The following SUSD1 variants were observed in gnomAD, a reference collection of about 807,000 sequenced individuals.
SUSD1 encodes the protein sushi domain containing 1.
A neutral mutation model predicts 86.9 loss-of-function variants in SUSD1; 65 were observed. The ratio of observed to expected loss-of-function variants is 0.75; its 90% CI spans 0.61 to 0.92. The LOEUF (loss-of-function observed/expected upper bound fraction) is 0.92, where lower values mean the gene tolerates loss of function less well. Ranked by LOEUF, SUSD1 falls within the 40% of genes least tolerant of loss-of-function variation. The probability of loss-of-function intolerance (pLI) is 0.00; values close to 1 mark genes in which losing one functional copy is unlikely to be tolerated. For synonymous variants in SUSD1, 346 were observed against 350.0 expected, an observed-to-expected ratio of 0.99 and a Z score of 0.13; for missense variants, 850 against 929.7, an observed-to-expected ratio of 0.91 and a Z score of 1.11.
chr9:112,089,811 CAAAAAAAA>C (rs3983407), intron 10 of SUSD1, among the ~76,000 whole-genome samples: 299 of 115,954 alleles, frequency 2.6e-3, no homozygotes, highest in South Asian at 4.5e-3. Flanking sequence ...GATTCCATCT[CAAAAAAAA>C]AAAAAAAAAA....
intron 1 of SUSD1, among the ~76,000 whole-genome samples, chr9:112,167,345 T>C (rs147786220): frequency 5.9e-5 from 9 of 152,272 alleles, no homozygotes; most frequent in African/African-American, 2.2e-4. Flanking sequence ...TCAATCGATA[T>C]TCCTGCTACA....
In SUSD1 at chr9:112,078,812, T is replaced by TC. The variant is rs1491301445; in HGVS notation, c.1567-89_1567-88insG. On this transcript the variant is annotated intron_variant, in intron 11 of 16. Transcript: ENST00000374270. ...CCTCCCCTTTTCCTTTTTCTTTCTC[T>TC]TTTTTTTTTTTTTTTTTTGAGATGG... The TC allele has an allele frequency of 5.6e-4, 105 of 186,822 alleles. No homozygotes were observed. The South Asian group carries it at 0.017, about 29-fold the overall frequency. 11.6% of individuals were successfully genotyped at this position (186,822 alleles called of 1,614,324 possible).
At chr9:112,120,445 G>T (rs1348406590) in intron 6 of SUSD1, among the ~76,000 whole-genome samples, 2 of 152,194 alleles carry the variant, frequency 1.3e-5, no homozygotes, top group African/African-American at 4.8e-5. Context: ...TACATTACCA[G>T]AAGCCTCTCC....
At chr9:112,088,921 A>T (rs886887627) in intron 10 of SUSD1, among the ~76,000 whole-genome samples, 2 of 152,226 alleles carry the variant, frequency 1.3e-5, no homozygotes, top group Admixed American at 1.3e-4. Context: ...AGCATGGGCA[A>T]CAAAGAGAGA....
intron 10 of SUSD1, among the ~76,000 whole-genome samples, chr9:112,086,337 G>C (rs1013689074): frequency 2.0e-5 from 3 of 148,466 alleles, no homozygotes; most frequent in Admixed American, 1.4e-4. Flanking sequence ...CTGTTAAATA[G>C]AAAAATAAAT....
At chr9:112,137,136 A>G (rs112500445) in intron 5 of SUSD1, among the ~76,000 whole-genome samples, 26 of 152,058 alleles carry the variant, frequency 1.7e-4, no homozygotes, top group Non-Finnish European at 3.7e-4. Flanking sequence ...AATCTATAAA[A>G]CTTACACACC....
chr9:112,103,242 T>G (rs1830701777), intron 8 of SUSD1: 4 of 394,500 alleles, frequency 1.0e-5, no homozygotes, highest in Non-Finnish European at 2.0e-5. Context: ...ACTGACATAT[T>G]CAGCACAAGG....
intron 12 of SUSD1, among the ~76,000 whole-genome samples, chr9:112,075,962 C>T (rs80247110): frequency 0.018 from 2,669 of 152,204 alleles, 82 homozygotes; most frequent in African/African-American, 0.061. Flanking sequence ...ATTGAAGGAA[C>T]TGCAAGAAGG....
intron 1 of SUSD1, among the ~76,000 whole-genome samples, chr9:112,168,513 G>C (rs540793919): frequency 6.6e-6 from 1 of 152,312 alleles, no homozygotes; most frequent in Admixed American, 6.5e-5. Context: ...CTCAGGATGG[G>C]AGGGAGGCTG....
Position 112,142,442 on chromosome 9 carries a change from G to A in SUSD1, c.584C>T (p.Thr195Met), listed in dbSNP as rs143505267. ...VPDGYIIGNY[T>M]SSLGSQVRYA... Reference sequence around the variant, plus strand: ...ACGAACCTGGCTGCCCAGACTAGACGTATAATTTCCTATGATATAGCCATC... The same window carrying A: ...ACGAACCTGGCTGCCCAGACTAGACATATAATTTCCTATGATATAGCCATC... Residue 195 changes from threonine to methionine, a missense_variant, in exon 5 of 17, where the codon ACG becomes ATG. By Grantham distance (81) the Thr-to-Met change is moderately conservative (BLOSUM62 -1). Transcript: ENST00000374270. The A allele has an allele frequency of 1.4e-4, 229 of 1,613,938 alleles. 1 individual carries two copies. In the African/African-American group the frequency reaches 2.6e-3, roughly 18 times the overall value.
At chr9:112,145,054 C>A (rs1589721851) in intron 3 of SUSD1, among the ~76,000 whole-genome samples, 1 of 151,984 alleles carries the variant, frequency 6.6e-6, no homozygotes, top group African/African-American at 2.4e-5. Context: ...CCGGCCTGGG[C>A]AACACAGCAA....
At chr9:112,117,819 T>C (rs577738125) in intron 6 of SUSD1, among the ~76,000 whole-genome samples, 1 of 152,272 alleles carries the variant, frequency 6.6e-6, no homozygotes, top group African/African-American at 2.4e-5. Context: ...GGATCAACAA[T>C]GCTAAATGTT....
intron 12 of SUSD1, among the ~76,000 whole-genome samples, chr9:112,068,050 G>C (rs7046525): frequency 0.25 from 37,736 of 152,034 alleles, 5,956 homozygotes; most frequent in African/African-American, 0.42. Context: ...CACCTCTGCC[G>C]CAGGCTCTGT....
intron 12 of SUSD1, among the ~76,000 whole-genome samples, chr9:112,073,363 GT>G (rs1389210676): frequency 6.6e-6 from 1 of 152,024 alleles, no homozygotes; most frequent in Non-Finnish European, 1.5e-5. Flanking sequence ...AGCATGCTTG[GT>G]TCCATAATAA....
chr9:112,130,780 T>G (rs1831997548), intron 5 of SUSD1, among the ~76,000 whole-genome samples: 2 of 150,870 alleles, frequency 1.3e-5, no homozygotes, highest in Non-Finnish European at 2.9e-5. Flanking sequence ...TCCCAGCACT[T>G]TGGAAAGCTG....
At chr9:112,044,244 C>G (rs1370797791) in intron 15 of SUSD1, among the ~76,000 whole-genome samples, 1 of 152,114 alleles carries the variant, frequency 6.6e-6, no homozygotes, top group Admixed American at 6.5e-5. Flanking sequence ...AACAAAATAG[C>G]CTAGAAACAA....
intron 8 of SUSD1, among the ~76,000 whole-genome samples, chr9:112,106,478 C>T (rs1030059240): frequency 6.6e-5 from 10 of 152,064 alleles, no homozygotes; most frequent in African/African-American, 2.4e-4. Flanking sequence ...ATCCCATTCC[C>T]TCCCTGAGGA....
intron 14 of SUSD1, among the ~76,000 whole-genome samples, chr9:112,057,798 T>A (rs958307204): frequency 6.6e-6 from 1 of 152,230 alleles, no homozygotes; most frequent in African/African-American, 2.4e-5. Flanking sequence ...TTTTCATTAC[T>A]GGCCCATATG....
At chr9:112,159,934 A>C (rs1369918281) in intron 1 of SUSD1, among the ~76,000 whole-genome samples, 1 of 152,158 alleles carries the variant, frequency 6.6e-6, no homozygotes, top group East Asian at 1.9e-4. Flanking sequence ...AAAAAAGAAC[A>C]CACAAAACAG....
Sources: gnomAD v4.1 joint callset for allele counts (sites outside exome capture counted in the v4.1 genomes callset) on GRCh38, gnomAD v4.1.1 for gene constraint, MANE v1.5 for transcripts, NCBI Gene and HGNC (gene_info 2026-07-23, HGNC 2026-07-21) for gene names.